The following IQCK variants were observed in gnomAD, a reference collection of about 807,000 sequenced individuals.
IQCK encodes IQ motif containing K.
In IQCK, 29 loss-of-function variants were observed where a neutral mutation model predicts 28.1. The ratio of observed to expected loss-of-function variants is 1.03; its 90% CI spans 0.77 to 1.41. The LOEUF (loss-of-function observed/expected upper bound fraction) is 1.41, where lower values mean the gene tolerates loss of function less well. Among genes scored for constraint, IQCK ranks in the 40% most tolerant of loss-of-function variants. IQCK has a pLI of 0.00. For synonymous variants in IQCK, 113 were observed against 115.1 expected, an observed-to-expected ratio of 0.98 and a Z score of 0.12; for missense variants, 359 against 314.7, an observed-to-expected ratio of 1.14 and a Z score of -1.07.
intron 4 of IQCK, among the ~76,000 whole-genome samples, chr16:19,757,869 A>G (rs574683976): frequency 2.6e-5 from 4 of 152,128 alleles, no homozygotes; most frequent in Non-Finnish European, 2.9e-5. Context: ...GTTTTATCAC[A>G]TATCCATGAA....
chr16:19,833,616 G>C (rs554797556), intron 9 of IQCK, among the ~76,000 whole-genome samples: 2 of 152,254 alleles, frequency 1.3e-5, no homozygotes, highest in South Asian at 2.1e-4. Context: ...AAGTTTCTTA[G>C]AGCAGTGTTT....
At chr16:19,750,043 T>G (rs1426194043) in intron 4 of IQCK, among the ~76,000 whole-genome samples, 1 of 152,206 alleles carries the variant, frequency 6.6e-6, no homozygotes, top group Non-Finnish European at 1.5e-5. Flanking sequence ...ATTGTGACCT[T>G]GTAATTTTAA....
rs536399983 is a variant in IQCK, at chr16:19,722,982, G to A, written c.181+4495G>A. 9.4e-4 allele frequency among the ~76,000 whole-genome samples: 143 copies of A among 152,292 alleles called. No individual in the cohort carries two copies. In the Middle Eastern group the frequency reaches 0.01, roughly 11 times the overall value. ...CCGCCTCAGCCTCCCAAAGTGCTGGGATTACAGGCGTGAGCTACCGCATCC... is the reference window on the plus strand; with the variant it reads ...CCGCCTCAGCCTCCCAAAGTGCTGGAATTACAGGCGTGAGCTACCGCATCC... On this transcript the variant is annotated intron_variant, in intron 1 of 7. Coordinates refer to ENST00000564186, the Ensembl canonical transcript of IQCK.
At chr16:19,853,015 A>C (rs1168323287) in intron 9 of IQCK, among the ~76,000 whole-genome samples, 1 of 152,116 alleles carries the variant, frequency 6.6e-6, no homozygotes, top group South Asian at 2.1e-4. Context: ...GTAGACCACA[A>C]TTGGTTTATC....
At chr16:19,812,187 A>G (rs566900644) in intron 7 of IQCK, among the ~76,000 whole-genome samples, 4 of 152,264 alleles carry the variant, frequency 2.6e-5, no homozygotes, top group Non-Finnish European at 5.9e-5. Flanking sequence ...GAGTTTCACC[A>G]TGTTGGCCAA....
intron 7 of IQCK, among the ~76,000 whole-genome samples, chr16:19,800,814 A>T (rs959574179): frequency 9.4e-6 from 1 of 106,622 alleles, no homozygotes; most frequent in Non-Finnish European, 1.6e-5. Flanking sequence ...TGATGTTTTT[A>T]TTCTCTCTGT....
intron 9 of IQCK, among the ~76,000 whole-genome samples, chr16:19,847,937 G>GGATT (rs2056432654): frequency 6.6e-6 from 1 of 152,104 alleles, no homozygotes; most frequent in Non-Finnish European, 1.5e-5. Context: ...CAAAGTGCTG[G>GGATT]GATTATAGGC....
chr16:19,855,813 GGCAA>G (rs2056552299), intron 9 of IQCK, among the ~76,000 whole-genome samples: 1 of 152,030 alleles, frequency 6.6e-6, no homozygotes, highest in South Asian at 2.1e-4. Flanking sequence ...TTCACATATG[GGCAA>G]GCAGCACTTG....
chr16:19,816,215 A>G (rs894004026), intron 7 of IQCK, among the ~76,000 whole-genome samples: 1 of 152,148 alleles, frequency 6.6e-6, no homozygotes, highest in East Asian at 1.9e-4. Context: ...TAGATCCACA[A>G]TGGGTAATTT....
intron 7 of IQCK, among the ~76,000 whole-genome samples, chr16:19,807,874 A>G (rs1437974034): frequency 3.9e-5 from 6 of 152,192 alleles, no homozygotes; most frequent in African/African-American, 1.4e-4. Context: ...TTAGCTCTGT[A>G]TTGGCTGGGT....
chr16:19,741,785 G>A (rs777556569), intron 4 of IQCK, among the ~76,000 whole-genome samples: 1 of 152,044 alleles, frequency 6.6e-6, no homozygotes, highest in Admixed American at 6.6e-5. Context: ...CCAGGAGTTC[G>A]AGACCAGCCT....
chr16:19,830,649 C>T (rs1043795539), downstream of IQCK, among the ~76,000 whole-genome samples: 9 of 152,166 alleles, frequency 5.9e-5, no homozygotes, highest in African/African-American at 2.2e-4. Context: ...AGAAGGAAGT[C>T]AGGACAGCAG....
At chr16:19,765,138 C>T (rs2055212179) in intron 6 of IQCK, among the ~76,000 whole-genome samples, 2 of 144,828 alleles carry the variant, frequency 1.4e-5, no homozygotes, top group African/African-American at 2.5e-5. Context: ...AGGAGAATGG[C>T]GTGAACCCTG....
chr16:19,831,906 A>G (rs146105959), downstream of IQCK, among the ~76,000 whole-genome samples: 2 of 152,196 alleles, frequency 1.3e-5, no homozygotes, highest in African/African-American at 4.8e-5. Context: ...TGTCCCAAAC[A>G]GTATTTTCTT....
chr16:19,851,412 T>C (rs1321745895), intron 9 of IQCK, among the ~76,000 whole-genome samples: 7 of 152,182 alleles, frequency 4.6e-5, no homozygotes, highest in Admixed American at 4.6e-4. Context: ...CAACATTGTA[T>C]GAGTGGCCGG....
rs2055640314 is a variant in IQCK at position 19,718,472 on chromosome 16, G to C, written c.166G>C (p.Glu56Gln). 3 of 1,606,356 alleles carry C rather than the reference G, an allele frequency of 1.9e-6. No individual in the cohort carries two copies. The African/African-American group carries it at 4.0e-5, about 21-fold the overall frequency. Residue 56 changes from glutamate to glutamine, a missense_variant, in exon 1 of 8, where the codon GAG (glutamate) becomes CAG (glutamine). Coordinates refer to ENST00000564186, the Ensembl canonical transcript of IQCK. ...CGAGCCGTCAAGCAAGAATCTGTGG[G>C]AGCAGATCTGCAAGGGTAGGAAACC...
intron 1 of IQCK, among the ~76,000 whole-genome samples, chr16:19,719,706 G>A (rs1977421952): frequency 9.0e-6 from 1 of 111,008 alleles, no homozygotes; most frequent in African/African-American, 3.5e-5. Flanking sequence ...ACGGCATGTT[G>A]CTCTGTCGCC....
intron 7 of IQCK, among the ~76,000 whole-genome samples, chr16:19,812,992 C>T (rs2055928314): frequency 1.3e-5 from 2 of 152,226 alleles, no homozygotes; most frequent in African/African-American, 4.8e-5. Flanking sequence ...CTGGGCCCCA[C>T]TCTGTTAAAT....
Position 19,847,855 on chromosome 16 carries a change from T to G in IQCK, c.803-8632T>G, listed in dbSNP as rs181176676. Among the ~76,000 whole-genome samples the G allele has an allele frequency of 3.6e-3, 554 of 152,322 alleles. 8 individuals are homozygous for G. The highest frequency in any genetic ancestry group is 0.015 in the East Asian group (80 of 5,166). On this transcript the variant is annotated intron_variant, in intron 9 of 9. Transcript: ENST00000320394. ...TCTCACTCTGTTTTCCAAGCTGGAGTGCAGTGGTGCAATCATAGCTCACTG... is the reference window on the plus strand; with the variant it reads ...TCTCACTCTGTTTTCCAAGCTGGAGGGCAGTGGTGCAATCATAGCTCACTG...
Sources: allele counts gnomAD v4.1 joint callset (sites outside exome capture counted in the v4.1 genomes callset), GRCh38; gene constraint gnomAD v4.1.1; transcripts MANE v1.5; gene names NCBI Gene and HGNC (gene_info 2026-07-23, HGNC 2026-07-21).